MESD: variants seen among roughly 807,000 people sequenced by gnomAD.
The protein encoded by MESD is mesoderm development LRP chaperone.
In MESD, 7 loss-of-function variants were observed where a neutral mutation model predicts 12.9. The observed-to-expected ratio is 0.54, with a 90% confidence interval of 0.31 to 1.02. The LOEUF is 1.02. Among genes scored for constraint, MESD ranks in the 50% least tolerant of loss-of-function variants. The probability of loss-of-function intolerance (pLI) is 0.05; values close to 1 mark genes in which losing one functional copy is unlikely to be tolerated. For missense variants in MESD, 342 were observed against 296.7 expected, an observed-to-expected ratio of 1.15 and a Z score of -1.12; for synonymous variants, 126 against 115.6, an observed-to-expected ratio of 1.09 and a Z score of -0.58.
Position 80,975,846 on chromosome 15 carries a change from T to C in MESD, c.*3373A>G, listed in dbSNP as rs1204293427. ...AGACAAATTCATTAAAAACAGGACA[T>C]TTCTCCCAGCTATTTGGGAGGCTGT... On this transcript the variant is annotated 3_prime_UTR_variant, in exon 3 of 3. Coordinates refer to ENST00000261758, the MANE Select transcript of MESD (RefSeq NM_015154.3). 24 of 152,208 alleles carry C rather than the reference T, an allele frequency of 1.6e-4. No individual in the cohort carries two copies. Among genetic ancestry groups the C allele is most frequent in the Admixed American group, 6.5e-5 (1 of 15,282 alleles). 9.4% of individuals were successfully genotyped at this position (152,208 alleles called of 1,614,324 possible).
At chr15:80,955,527 T>C (rs1472003659) in intron 3 of MESD, among the ~76,000 whole-genome samples, 2 of 150,292 alleles carry the variant, frequency 1.3e-5, no homozygotes, top group African/African-American at 4.9e-5. Flanking sequence ...TCTCAGGCTC[T>C]CCCAGATCAG....
chr15:80,956,121 TAG>T (rs1261820811), intron 3 of MESD, among the ~76,000 whole-genome samples: 4 of 152,008 alleles, frequency 2.6e-5, no homozygotes, highest in African/African-American at 9.7e-5. Flanking sequence ...GCCTGGAAGG[TAG>T]AGTCTGTGGT....
At chr15:80,962,118 T>C (rs963625613) in intron 3 of MESD, among the ~76,000 whole-genome samples, 1 of 152,132 alleles carries the variant, frequency 6.6e-6, no homozygotes, top group African/African-American at 2.4e-5. Flanking sequence ...GAGATGCACA[T>C]AAGCTCAAAA....
chr15:80,963,788 G>C (rs1006734297), intron 3 of MESD, among the ~76,000 whole-genome samples: 1 of 152,148 alleles, frequency 6.6e-6, no homozygotes, highest in Non-Finnish European at 1.5e-5. Flanking sequence ...AGCCTTTCAT[G>C]CTAAAAACTC....
intron 1 of MESD, 21 bp downstream of exon 1, chr15:80,989,558 G>T: frequency 6.2e-7 from 1 of 1,609,224 alleles, no homozygotes; most frequent in Non-Finnish European, 8.5e-7. Context: ...AGAGCCGGGA[G>T]GGTGTGCGCG....
intron 4 of MESD, chr15:80,949,207 G>A: frequency 2.1e-6 from 1 of 467,756 alleles, no homozygotes; most frequent in South Asian, 2.0e-5. Flanking sequence ...TGCCTCTTCA[G>A]TGGGGGTTTG....
chr15:80,958,382 G>C (rs1233268303), intron 3 of MESD, among the ~76,000 whole-genome samples: 2 of 152,134 alleles, frequency 1.3e-5, no homozygotes, highest in Non-Finnish European at 2.9e-5. Flanking sequence ...CCAGGCTGAA[G>C]AGCAGTGGTG....
chr15:80,954,953 G>A (rs74454361), intron 3 of MESD, among the ~76,000 whole-genome samples: 2,935 of 152,222 alleles, frequency 0.019, 104 homozygotes, highest in African/African-American at 0.067. Flanking sequence ...TTGGATGCCT[G>A]TGCTCTAAAG....
intron 3 of MESD, chr15:80,952,392 G>T: frequency 3.4e-6 from 1 of 295,156 alleles, no homozygotes; most frequent in East Asian, 9.5e-5. Context: ...GCTTCATGGG[G>T]CTACCTACAT....
intron 2 of MESD, 115 bp downstream of exon 2, chr15:80,981,832 GCAA>G (rs1902587444): frequency 2.6e-6 from 2 of 765,612 alleles, no homozygotes; most frequent in South Asian, 3.8e-5. Flanking sequence ...TCCAGCCTAG[GCAA>G]CAAGAGCAAA....
intron 3 of MESD, among the ~76,000 whole-genome samples, chr15:80,965,426 C>A (rs1902158243): frequency 6.6e-6 from 1 of 152,126 alleles, no homozygotes; most frequent in Admixed American, 6.5e-5. Context: ...CTAGAAATAC[C>A]ATTTGACCCA....
intron 3 of MESD, chr15:80,970,585 C>T (rs934055124): frequency 1.7e-4 from 26 of 152,348 alleles, no homozygotes; most frequent in African/African-American, 6.3e-4. Context: ...TTGTCTTCCT[C>T]TCTGCTTCCC....
At chr15:80,955,666 G>A (rs1004519197) in intron 3 of MESD, among the ~76,000 whole-genome samples, 9 of 149,998 alleles carry the variant, frequency 6.0e-5, no homozygotes, top group African/African-American at 9.8e-5. Flanking sequence ...TTTAGCCCAG[G>A]CTGGAGTGAA....
downstream of MESD, among the ~76,000 whole-genome samples, chr15:80,972,307 A>C (rs944165994): frequency 5.3e-5 from 8 of 152,176 alleles, no homozygotes; most frequent in African/African-American, 1.2e-4. Context: ...AAACTTAACT[A>C]ACACACACAT....
exon 5 of MESD, chr15:80,948,486 A>C: frequency 2.4e-6 from 1 of 416,954 alleles, no homozygotes; most frequent in South Asian, 2.1e-5. Flanking sequence ...AAAGGTAGGC[A>C]GGTTCCTAGG....
chr15:80,969,095 G>A (rs184361059), intron 3 of MESD, among the ~76,000 whole-genome samples: 43 of 152,304 alleles, frequency 2.8e-4, no homozygotes, highest in African/African-American at 1.0e-3. Context: ...GGAGATTGAG[G>A]TGGGAGGACC....
chr15:80,975,704 C>T (rs933955787), downstream of MESD: 1 of 151,770 alleles, frequency 6.6e-6, no homozygotes, highest in African/African-American at 2.4e-5. Flanking sequence ...ACCAGAAAGC[C>T]TGAGGATGAA....
chr15:80,987,197 A>C (rs1902754957), intron 1 of MESD, among the ~76,000 whole-genome samples: 2 of 152,142 alleles, frequency 1.3e-5, no homozygotes, highest in African/African-American at 4.8e-5. Flanking sequence ...ACAGCCTCTC[A>C]CTGAAGCACT....
At chr15:80,956,837 A>G (rs114969998) in intron 3 of MESD, among the ~76,000 whole-genome samples, 1,719 of 151,004 alleles carry the variant, frequency 0.011, 46 homozygotes, top group African/African-American at 0.04. Context: ...TTTGTTTGAG[A>G]CAGAGGGTTT....
Sources: allele counts gnomAD v4.1 joint callset (sites outside exome capture counted in the v4.1 genomes callset), GRCh38; gene constraint gnomAD v4.1.1; transcripts MANE v1.5; gene names NCBI Gene and HGNC (gene_info 2026-07-23, HGNC 2026-07-21).